Variants in CDH12 observed in about 807,000 individuals in gnomAD.
CDH12 encodes the protein cadherin-12.
CDH12 carries 41 observed loss-of-function variants against 74.1 expected under a neutral mutation model. The ratio of observed to expected loss-of-function variants is 0.55; its 90% confidence interval spans 0.43 to 0.72. CDH12 has a LOEUF of 0.72. Ranked by LOEUF, CDH12 falls within the 30% of genes least tolerant of loss-of-function variation. CDH12 has a pLI of 0.00. For missense variants in CDH12, 945 were observed against 977.2 expected (o/e 0.97, Z 0.44); for synonymous variants, 399 against 355.0 (o/e 1.12, Z -1.39).
intron 1 of CDH12, among the ~76,000 whole-genome samples, chr5:22,771,345 C>A (rs963799046): frequency 6.6e-6 from 1 of 151,978 alleles, no homozygotes; most frequent in Non-Finnish European, 1.5e-5. Context: ...TGCACATGAA[C>A]AATTATTAGC....
chr5:22,776,061 A>G (rs922651195), intron 1 of CDH12, among the ~76,000 whole-genome samples: 5 of 152,124 alleles, frequency 3.3e-5, no homozygotes, highest in Admixed American at 2.0e-4. Flanking sequence ...TGTAAGTCCA[A>G]TTAAATCTCT....
intron 1 of CDH12, among the ~76,000 whole-genome samples, chr5:22,702,100 A>G (rs1383777452): frequency 6.6e-6 from 1 of 152,182 alleles, no homozygotes; most frequent in Admixed American, 6.5e-5. Flanking sequence ...GTCTGGAACA[A>G]TCATGAATGA....
chr5:22,815,685 G>A (rs568819716), intron 1 of CDH12, among the ~76,000 whole-genome samples: 17 of 149,256 alleles, frequency 1.1e-4, no homozygotes, highest in South Asian at 4.2e-4. Flanking sequence ...AAGGAGAATC[G>A]CTTGAACCTG....
intron 1 of CDH12, among the ~76,000 whole-genome samples, chr5:22,711,968 C>T (rs1743311698): frequency 6.6e-6 from 1 of 151,970 alleles, no homozygotes; most frequent in Non-Finnish European, 1.5e-5. Flanking sequence ...CTAATATTTA[C>T]TTTGTTAGCA....
chr5:22,590,642 A>C (rs941714274), intron 1 of CDH12, among the ~76,000 whole-genome samples: 1 of 152,204 alleles, frequency 6.6e-6, no homozygotes, highest in African/African-American at 2.4e-5. Flanking sequence ...TAATATACTT[A>C]TTTATGTGAC....
intron 4 of CDH12, among the ~76,000 whole-genome samples, chr5:22,138,574 T>C (rs528320420): frequency 6.6e-6 from 1 of 150,794 alleles, no homozygotes; most frequent in African/African-American, 2.4e-5. Flanking sequence ...TTTAAATGAA[T>C]TCTTCTTGAA....
In CDH12 at chr5:22,657,244, A is replaced by T. The variant is rs572374873; in HGVS notation, c.-522-151880T>A. Among the ~76,000 whole-genome samples, 5 of 152,252 alleles carry T rather than the reference A, an allele frequency of 3.3e-5. No homozygotes were observed. In the South Asian group the frequency reaches 1.0e-3, roughly 32 times the overall value. ...TAATAGTGGTATTGGGAGGAAGGGG[A>T]TGTGTAAGCATTGATTGGAAATGGG... On this transcript the variant is annotated intron_variant, in intron 1 of 14. Coordinates refer to ENST00000382254, the MANE Select transcript of CDH12 (RefSeq NM_004061.5).
chr5:22,181,770 T>G (rs910116512), intron 4 of CDH12, among the ~76,000 whole-genome samples: 4 of 152,174 alleles, frequency 2.6e-5, no homozygotes, highest in African/African-American at 9.7e-5. Flanking sequence ...TTTCCCTTTC[T>G]GCAAATTAGA....
intron 4 of CDH12, among the ~76,000 whole-genome samples, chr5:22,137,111 A>G (rs535700987): frequency 1.2e-4 from 18 of 151,946 alleles, no homozygotes; most frequent in Non-Finnish European, 2.5e-4. Flanking sequence ...TACAAAGCAC[A>G]GTTTCTATTT....
intron 1 of CDH12, among the ~76,000 whole-genome samples, chr5:22,684,216 A>G (rs1414938094): frequency 2.0e-5 from 3 of 152,186 alleles, no homozygotes; most frequent in Admixed American, 1.3e-4. Flanking sequence ...GGGACACACG[A>G]GACATTTTGA....
intron 3 of CDH12, among the ~76,000 whole-genome samples, chr5:22,314,315 T>C (rs1561305303): frequency 6.6e-6 from 1 of 152,182 alleles, no homozygotes; most frequent in South Asian, 2.1e-4. Flanking sequence ...AATGTAAGTA[T>C]ATTTGGAGAT....
chr5:22,762,641 C>G (rs148040022), intron 1 of CDH12, among the ~76,000 whole-genome samples: 184 of 152,036 alleles, frequency 1.2e-3, no homozygotes, highest in African/African-American at 4.4e-3. Context: ...ATCGTTGGGT[C>G]AAATTGACTT....
At chr5:22,376,080 A>C (rs372670707) in intron 3 of CDH12, among the ~76,000 whole-genome samples, 1 of 152,228 alleles carries the variant, frequency 6.6e-6, no homozygotes, top group Non-Finnish European at 1.5e-5. Flanking sequence ...ATGGATAAAG[A>C]ACATGTGGTT....
chr5:22,407,180 C>T (rs1742975930), intron 2 of CDH12, among the ~76,000 whole-genome samples: 1 of 152,064 alleles, frequency 6.6e-6, no homozygotes. Context: ...CCATTGACAT[C>T]TCAAACTCAA....
intron 7 of CDH12, among the ~76,000 whole-genome samples, chr5:21,848,407 G>T (rs1204701211): frequency 6.6e-6 from 1 of 152,010 alleles, no homozygotes; most frequent in East Asian, 1.9e-4. Flanking sequence ...AACTTCAGCA[G>T]TGAGAATATA....
intron 5 of CDH12, among the ~76,000 whole-genome samples, chr5:21,998,337 CA>C (rs1736414994): frequency 1.3e-5 from 2 of 151,966 alleles, no homozygotes; most frequent in Non-Finnish European, 2.9e-5. Flanking sequence ...TGTAAGCTTT[CA>C]AAATTTTAAA....
intron 3 of CDH12, among the ~76,000 whole-genome samples, chr5:22,216,010 T>C (rs997689611): frequency 3.9e-5 from 6 of 152,120 alleles, no homozygotes; most frequent in Admixed American, 1.3e-4. Context: ...TTTTCTCATA[T>C]GTTAGTGATG....
intron 1 of CDH12, among the ~76,000 whole-genome samples, chr5:22,523,129 T>C (rs1257631011): frequency 6.6e-6 from 1 of 152,206 alleles, no homozygotes; most frequent in African/African-American, 2.4e-5. Context: ...AATTCCCCTC[T>C]TGACTTTGAA....
At chr5:21,878,892 A>G (rs1209889604) in intron 6 of CDH12, among the ~76,000 whole-genome samples, 1 of 150,952 alleles carries the variant, frequency 6.6e-6, no homozygotes, top group Non-Finnish European at 1.5e-5. Flanking sequence ...AGAAAAAGAA[A>G]GAAGAAAGAA....
Sources: allele counts gnomAD v4.1 joint callset (sites outside exome capture counted in the v4.1 genomes callset), GRCh38; gene constraint gnomAD v4.1.1; transcripts MANE v1.5; gene names NCBI Gene and HGNC (gene_info 2026-07-23, HGNC 2026-07-21).